The following CA10 variants were observed in gnomAD, a reference collection of about 807,000 sequenced individuals.
CA10 encodes the protein carbonic anhydrase-related protein 10.
In CA10, 14 loss-of-function variants were observed where a neutral mutation model predicts 44.2. That is an observed-to-expected ratio of 0.32 (90% CI 0.21 to 0.50). The LOEUF (loss-of-function observed/expected upper bound fraction) is 0.50. CA10 is among the 20% of genes least tolerant of loss of function. CA10 has a pLI of 0.99. For missense variants in CA10, 350 were observed against 409.7 expected, an observed-to-expected ratio of 0.85 and a Z score of 1.26; for synonymous variants, 159 against 141.6, an observed-to-expected ratio of 1.12 and a Z score of -0.87.
chr17:52,095,035 T>G (rs997601535), intron 1 of CA10, among the ~76,000 whole-genome samples: 3 of 152,162 alleles, frequency 2.0e-5, no homozygotes, highest in African/African-American at 7.2e-5. Context: ...TTACATCAGC[T>G]TTATTTATCA....
chr17:51,983,926 G>A (rs576950104), intron 2 of CA10, among the ~76,000 whole-genome samples: 121 of 151,854 alleles, frequency 8.0e-4, no homozygotes, highest in African/African-American at 2.7e-3. Context: ...ATTTTGGTAA[G>A]AGCACCTCAC....
chr17:51,702,269 T>C (rs1224738619), intron 4 of CA10, among the ~76,000 whole-genome samples: 1 of 152,120 alleles, frequency 6.6e-6, no homozygotes, highest in African/African-American at 2.4e-5. Context: ...CCCAGAGCAG[T>C]TGGGAGACTT....
intron 3 of CA10, among the ~76,000 whole-genome samples, chr17:51,887,235 T>C (rs1980646382): frequency 6.6e-6 from 1 of 150,928 alleles, no homozygotes; most frequent in Non-Finnish European, 1.5e-5. Flanking sequence ...GTCTTCAAGT[T>C]AGGGTCTTCT....
chr17:51,734,799 T>A (rs1377732996), intron 4 of CA10, among the ~76,000 whole-genome samples: 1 of 152,306 alleles, frequency 6.6e-6, no homozygotes, highest in East Asian at 1.9e-4. Flanking sequence ...TTCATCAGAA[T>A]ATCTGAGATG....
chr17:51,657,271 C>G (rs1913830612), intron 4 of CA10, among the ~76,000 whole-genome samples: 1 of 152,170 alleles, frequency 6.6e-6, no homozygotes. Context: ...GTTTGGGCAT[C>G]AAAGATAACC....
intron 2 of CA10, among the ~76,000 whole-genome samples, chr17:51,944,530 A>G (rs918386610): frequency 1.3e-5 from 2 of 152,184 alleles, no homozygotes. Flanking sequence ...AACACTGAAA[A>G]CAATCTAAAT....
At chr17:52,127,345 C>T (rs561883789) in intron 1 of CA10, among the ~76,000 whole-genome samples, 2 of 150,540 alleles carry the variant, frequency 1.3e-5, no homozygotes, top group South Asian at 4.2e-4. Context: ...GTTTACCTAC[C>T]CCATTTCTGG....
chr17:52,018,392 T>A (rs1451874088), intron 2 of CA10, among the ~76,000 whole-genome samples: 10 of 152,000 alleles, frequency 6.6e-5, no homozygotes, highest in Non-Finnish European at 1.5e-4. Context: ...CAGCCCAAAG[T>A]CTTAGGAGGC....
intron 2 of CA10, among the ~76,000 whole-genome samples, chr17:52,048,150 C>T (rs977434465): frequency 1.3e-5 from 2 of 152,006 alleles, no homozygotes; most frequent in African/African-American, 4.8e-5. Context: ...TAGAGTTCAC[C>T]CTATCTGCAA....
chr17:51,725,361 A>G (rs910147169), intron 4 of CA10, among the ~76,000 whole-genome samples: 2 of 152,212 alleles, frequency 1.3e-5, no homozygotes, highest in African/African-American at 4.8e-5. Context: ...AATAGAATGC[A>G]CACCTTCCTC....
chr17:51,649,188 A>T lies in CA10; in HGVS notation c.628T>A (p.Tyr210Asn). ...GAAATTGAACCAAACTTACTTTTAT[A>T]TGTTATTCTTGTGATAGTATCTCTG... The part of the protein sequence containing the change: ...LNRDTITRIT[Y>N]KNDAYLLQGL... Residue 210 changes from tyrosine (Y) to asparagine (N), a missense_variant, in exon 6 of 9, where the codon TAT becomes AAT. Tyr to Asn is a moderately radical substitution (Grantham distance 143, BLOSUM62 -2). Transcript: ENST00000451037. 6.2e-7 allele frequency: 1 copy of T among 1,611,186 alleles called. No homozygotes were observed. Among genetic ancestry groups the T allele is most frequent in the Non-Finnish European group, 8.5e-7 (1 of 1,177,390 alleles).
chr17:51,755,377 A>T (rs1598028883), intron 3 of CA10, among the ~76,000 whole-genome samples: 3 of 152,304 alleles, frequency 2.0e-5, no homozygotes, highest in Admixed American at 2.0e-4. Context: ...TGTAGGGTGG[A>T]TGTTTACTGC....
At chr17:51,790,541 G>T (rs1028864118) in intron 3 of CA10, among the ~76,000 whole-genome samples, 3 of 152,102 alleles carry the variant, frequency 2.0e-5, no homozygotes, top group Non-Finnish European at 4.4e-5. Context: ...TTCTTTTCAT[G>T]AATTCACCAA....
intron 2 of CA10, among the ~76,000 whole-genome samples, chr17:52,046,086 A>G (rs1260051743): frequency 1.3e-5 from 2 of 151,932 alleles, no homozygotes; most frequent in Non-Finnish European, 2.9e-5. Flanking sequence ...TAGTACCTAC[A>G]GGGAAATTTC....
intron 1 of CA10, among the ~76,000 whole-genome samples, chr17:52,142,849 C>T (rs1458690355): frequency 1.3e-5 from 2 of 152,130 alleles, no homozygotes; most frequent in African/African-American, 2.4e-5. Context: ...GTTAACTTAC[C>T]CAAAGCCAAC....
intron 3 of CA10, among the ~76,000 whole-genome samples, chr17:51,912,010 A>C (rs187153084): frequency 1.3e-5 from 2 of 152,280 alleles, no homozygotes; most frequent in Admixed American, 1.3e-4. Context: ...AATTCATGTA[A>C]ATTACTACAC....
At chr17:52,015,572 G>T (rs1401941888) in intron 2 of CA10, among the ~76,000 whole-genome samples, 1 of 152,100 alleles carries the variant, frequency 6.6e-6, no homozygotes, top group Non-Finnish European at 1.5e-5. Flanking sequence ...AATTGCCAGA[G>T]GCCAAGTGAC....
chr17:51,659,357 C>T (rs891918170), intron 4 of CA10, among the ~76,000 whole-genome samples: 3 of 152,150 alleles, frequency 2.0e-5, no homozygotes, highest in African/African-American at 7.2e-5. Context: ...TTGGGGATTA[C>T]ACCATCAGCA....
chr17:52,069,780 C>A (rs1297792004), intron 2 of CA10, among the ~76,000 whole-genome samples: 1 of 152,156 alleles, frequency 6.6e-6, no homozygotes, highest in Non-Finnish European at 1.5e-5. Context: ...TATTTTTATC[C>A]ACCACAGCTT....
Sources: gnomAD v4.1 joint callset for allele counts (sites outside exome capture counted in the v4.1 genomes callset) on GRCh38, gnomAD v4.1.1 for gene constraint, MANE v1.5 for transcripts, NCBI Gene and HGNC (gene_info 2026-07-23, HGNC 2026-07-21) for gene names.